RAB21: variants seen among roughly 807,000 people sequenced by gnomAD.
RAB21 encodes the protein ras-related protein Rab-21.
RAB21 carries 13 observed loss-of-function variants against 33.1 expected under a neutral mutation model. The ratio of observed to expected loss-of-function variants is 0.39; its 90% confidence interval spans 0.26 to 0.62. The LOEUF is 0.62. Ranked by LOEUF, RAB21 falls within the 20% of genes least tolerant of loss-of-function variation. The pLI, the probability that RAB21 is intolerant of heterozygous loss-of-function variation, is 0.48. For synonymous variants in RAB21, 91 were observed against 103.7 expected (o/e 0.88, Z 0.74); for missense variants, 234 against 279.1 (o/e 0.84, Z 1.15).
chr12:71,755,839 C>G (rs1459343824), intron 1 of RAB21, among the ~76,000 whole-genome samples: 1 of 152,158 alleles, frequency 6.6e-6, no homozygotes, highest in East Asian at 1.9e-4. Flanking sequence ...TTGCAGCCTG[C>G]GTGGGTCTGA....
At chr12:71,763,428 T>C (rs2137641679) in intron 1 of RAB21, among the ~76,000 whole-genome samples, 1 of 152,302 alleles carries the variant, frequency 6.6e-6, no homozygotes, top group Admixed American at 6.5e-5. Flanking sequence ...TTCTCTCTTA[T>C]AATCCTTTTT....
At chr12:71,772,571 C>CT (rs1461979968) in intron 3 of RAB21, among the ~76,000 whole-genome samples, 4 of 151,856 alleles carry the variant, frequency 2.6e-5, no homozygotes, top group East Asian at 1.9e-4. Context: ...GACTAACAAG[C>CT]TTTTTTTTAA....
In RAB21 at chr12:71,770,711, A is replaced by G. The variant is rs1883030182; in HGVS notation, c.327+12A>G. On this transcript the variant is annotated intron_variant, in intron 3 of 6. Transcript: ENST00000261263. ...ATTCTTTTCAGAAGGTATTCTATTC[A>G]TGGGTAGATGTCTTAGAAGAACAAT... 2 of 1,480,386 alleles carry G rather than the reference A, an allele frequency of 1.4e-6. No homozygotes were observed. Among genetic ancestry groups the G allele is most frequent in the East Asian group, 2.3e-5 (1 of 43,948 alleles). 91.7% of individuals were successfully genotyped at this position (1,480,386 alleles called of 1,614,324 possible). A position where few individuals can be genotyped will look rare whatever the true frequency, so the allele number is the denominator to read the frequency against.
At position 71,790,320 on chromosome 12, in the gene RAB21, G is replaced by T. The variant is rs1675546721; in HGVS notation, c.*4647G>T. 6.6e-6 allele frequency: 1 copy of T among 152,138 alleles called. No homozygotes were observed. The highest frequency in any genetic ancestry group is 1.5e-5 in the Non-Finnish European group (1 of 68,018). 9.4% of individuals were successfully genotyped at this position (152,138 alleles called of 1,614,324 possible). A position where few individuals can be genotyped will look rare whatever the true frequency, so the allele number is the denominator to read the frequency against. On this transcript the variant is annotated 3_prime_UTR_variant, in exon 7 of 7. Transcript: ENST00000261263. ...TTGATTTTGATACTTTCTGGCAACT[G>T]TATCATCTCTTCACTATCACGTATT... is the stretch of plus-strand genomic sequence containing the variant.
At chr12:71,772,816 A>G (rs1252691285) in intron 3 of RAB21, among the ~76,000 whole-genome samples, 1 of 152,180 alleles carries the variant, frequency 6.6e-6, no homozygotes, top group Non-Finnish European at 1.5e-5. Flanking sequence ...GGCTATACTG[A>G]GAAAACTGTC....
intron 4 of RAB21, among the ~76,000 whole-genome samples, chr12:71,777,656 C>T (rs562905699): frequency 6.6e-6 from 1 of 152,288 alleles, no homozygotes; most frequent in East Asian, 1.9e-4. Flanking sequence ...CATAAGATAA[C>T]CTTTCAAGCA....
intron 1 of RAB21, among the ~76,000 whole-genome samples, chr12:71,757,938 CTT>C (rs535452083): frequency 6.8e-6 from 1 of 146,486 alleles, no homozygotes. Flanking sequence ...GATTGTCCCC[CTT>C]TTTTTTTTTA....
At chr12:71,778,523 T>A (rs1488895657) in intron 4 of RAB21, among the ~76,000 whole-genome samples, 1 of 152,176 alleles carries the variant, frequency 6.6e-6, no homozygotes, top group African/African-American at 2.4e-5. Flanking sequence ...TTAACTCAGA[T>A]CTGCCTGCCA....
Position 71,789,831 on chromosome 12 carries a change from C to T in RAB21, c.*4158C>T, listed in dbSNP as rs1220909305. 4 of 152,140 alleles carry T rather than the reference C, an allele frequency of 2.6e-5. No individual in the cohort carries two copies. Among genetic ancestry groups the T allele is most frequent in the African/African-American group, 9.6e-5 (4 of 41,454 alleles). 9.4% of individuals were successfully genotyped at this position (152,140 alleles called of 1,614,324 possible). On this transcript the variant is annotated 3_prime_UTR_variant, in exon 7 of 7. Transcript: ENST00000261263. ...GTTCTGGACCAAAATTCGTGCTACA[C>T]ATATGTCTGATGGCCTTTACCTTTT...
chr12:71,756,910 G>T (rs1042598782), intron 1 of RAB21, among the ~76,000 whole-genome samples: 1 of 152,126 alleles, frequency 6.6e-6, no homozygotes, highest in African/African-American at 2.4e-5. Context: ...GAGGAAAAAC[G>T]TTTAGTTGAG....
chr12:71,795,604 G>A lies in RAB21; in HGVS notation c.*9931G>A, dbSNP rs1027973607. The A allele has an allele frequency of 6.3e-4, 87 of 137,590 alleles. 22 individuals are homozygous for A. Among genetic ancestry groups the A allele is most frequent in the African/African-American group, 2.5e-3 (84 of 34,164 alleles). The allele number at this position is 137,590 out of a possible 1,614,324, so 8.5% of individuals were successfully genotyped here. A position where few individuals can be genotyped will look rare whatever the true frequency, so the allele number is the denominator to read the frequency against. On this transcript the variant is annotated 3_prime_UTR_variant, in exon 7 of 7. Transcript: ENST00000261263. ...TTACACAGAAGCTTCCAGCTACCTG[G>A]TATTTGCATGAAGAATTCTAAATTT...
chr12:71,778,869 G>A (rs1211380474), intron 4 of RAB21, among the ~76,000 whole-genome samples: 1 of 152,144 alleles, frequency 6.6e-6, no homozygotes, highest in Admixed American at 6.5e-5. Context: ...CCTGCAAGGC[G>A]TGGTGGCTCA....
chr12:71,773,283 A>G (rs1026550611), intron 3 of RAB21, among the ~76,000 whole-genome samples: 1 of 152,158 alleles, frequency 6.6e-6, no homozygotes, highest in Non-Finnish European at 1.5e-5. Context: ...TCTACCGGGG[A>G]TGGCAATGCC....
chr12:71,774,186 C>T (rs1883084446), intron 4 of RAB21, 164 bp downstream of exon 4: 1 of 397,240 alleles, frequency 2.5e-6, no homozygotes, highest in Non-Finnish European at 4.2e-6. Flanking sequence ...GTGGCTCATG[C>T]CTGTAATTCC....
intron 5 of RAB21, chr12:71,782,315 T>G: frequency 1.8e-6 from 1 of 546,916 alleles, no homozygotes; most frequent in East Asian, 3.0e-5. Flanking sequence ...ACTATCATGA[T>G]CAAATAGGCA....
Position 71,799,924 on chromosome 12 carries a change from T to C in RAB21, c.*14251T>C, listed in dbSNP as rs1395311337. The C allele has an allele frequency of 1.3e-5, 2 of 152,024 alleles. No homozygotes were observed. Among genetic ancestry groups the C allele is most frequent in the Non-Finnish European group, 2.9e-5 (2 of 68,056 alleles). The allele number at this position is 152,024 out of a possible 1,614,324, so 9.4% of individuals were successfully genotyped here. A position where few individuals can be genotyped will look rare whatever the true frequency, so the allele number is the denominator to read the frequency against. ...CCCATCTCTACTAAAAATACAAAAATTAGCCGGGTGTGGTGGCAAGCAACT... is the reference window on the plus strand; with the variant it reads ...CCCATCTCTACTAAAAATACAAAAACTAGCCGGGTGTGGTGGCAAGCAACT... On this transcript the variant is annotated 3_prime_UTR_variant, in exon 7 of 7. Transcript: ENST00000261263.
At chr12:71,770,339 T>G (rs1883024342) in intron 2 of RAB21, among the ~76,000 whole-genome samples, 1 of 151,808 alleles carries the variant, frequency 6.6e-6, no homozygotes, top group African/African-American at 2.4e-5. Flanking sequence ...TTAATGGGGG[T>G]GGGGAAGTGC....
At chr12:71,763,426 T>C (rs1348243714) in intron 1 of RAB21, among the ~76,000 whole-genome samples, 2 of 152,166 alleles carry the variant, frequency 1.3e-5, no homozygotes, top group East Asian at 3.8e-4. Context: ...ATTTCTCTCT[T>C]ATAATCCTTT....
rs1883311083 is a variant in RAB21, at chr12:71,787,395, C to T, written c.*1722C>T. Reference sequence around the variant, plus strand: ...AATATATATATTTTTTCATTTCTGTCGTGCTTGGAAAACTAGTAAATATTA... The same window carrying T: ...AATATATATATTTTTTCATTTCTGTTGTGCTTGGAAAACTAGTAAATATTA... On this transcript the variant is annotated 3_prime_UTR_variant, in exon 7 of 7. Transcript: ENST00000261263. 6.6e-6 allele frequency: 1 copy of T among 151,808 alleles called. No individual in the cohort carries two copies. The highest frequency in any genetic ancestry group is 6.6e-5 in the Admixed American group (1 of 15,242). The allele number at this position is 151,808 out of a possible 1,614,324, so 9.4% of individuals were successfully genotyped here. A position where few individuals can be genotyped will look rare whatever the true frequency, so the allele number is the denominator to read the frequency against.
Sources: gnomAD v4.1 joint callset for allele counts (sites outside exome capture counted in the v4.1 genomes callset) on GRCh38, gnomAD v4.1.1 for gene constraint, MANE v1.5 for transcripts, NCBI Gene and HGNC (gene_info 2026-07-23, HGNC 2026-07-21) for gene names.